Variants in KCNMA1 observed in about 807,000 individuals in gnomAD.
The protein encoded by KCNMA1 is Calcium-activated potassium channel subunit alpha-1.
A neutral mutation model predicts 140.0 loss-of-function variants in KCNMA1; 29 were observed. The ratio of observed to expected loss-of-function variants is 0.21; its 90% CI spans 0.15 to 0.28. The LOEUF (loss-of-function observed/expected upper bound fraction) is 0.28. Among genes scored for constraint, KCNMA1 ranks in the 10% least tolerant of loss-of-function variants. The pLI is 1.00. For missense variants in KCNMA1, 880 were observed against 1,602.2 expected, an observed-to-expected ratio of 0.55 and a Z score of 7.70; for synonymous variants, 612 against 611.9, an observed-to-expected ratio of 1.00 and a Z score of 0.00.
At chr10:76,959,354 T>C (rs946624402) in intron 20 of KCNMA1, among the ~76,000 whole-genome samples, 25 of 152,230 alleles carry the variant, frequency 1.6e-4, no homozygotes, top group South Asian at 6.2e-4. Context: ...TATACCATAG[T>C]GGTTAAGCGC....
intron 1 of KCNMA1, among the ~76,000 whole-genome samples, chr10:77,574,441 A>C (rs2619607): frequency 0.72 from 109,398 of 152,044 alleles, 40,233 homozygotes; most frequent in East Asian, 0.9. Context: ...GAATCTTTTT[A>C]ACACAAACAT....
intron 1 of KCNMA1, among the ~76,000 whole-genome samples, chr10:77,562,202 C>T (rs1603636692): frequency 6.6e-6 from 1 of 152,226 alleles, no homozygotes; most frequent in Non-Finnish European, 1.5e-5. Context: ...AGCTGCTGTG[C>T]CACACCCTGA....
chr10:76,936,995 T>A (rs374879042), intron 23 of KCNMA1, among the ~76,000 whole-genome samples: 3 of 152,278 alleles, frequency 2.0e-5, no homozygotes, highest in East Asian at 1.9e-4. Context: ...GATCCCTATG[T>A]AATAAAAATC....
intron 18 of KCNMA1, among the ~76,000 whole-genome samples, chr10:77,003,111 C>T (rs1000016726): frequency 1.5e-4 from 23 of 152,064 alleles, no homozygotes; most frequent in Non-Finnish European, 1.3e-4. Context: ...GCAAGGGTAA[C>T]GTTATGATTG....
intron 19 of KCNMA1, chr10:76,995,846 C>T (rs1315892707): frequency 1.4e-5 from 5 of 369,724 alleles, no homozygotes; most frequent in Non-Finnish European, 2.7e-5. Flanking sequence ...CATGGTGTCC[C>T]TGGGAAGAAA....
At chr10:76,910,542 G>T in intron 24 of KCNMA1, 1 of 281,738 alleles carries the variant, frequency 3.5e-6, no homozygotes, top group East Asian at 8.7e-5. Flanking sequence ...AGCGCTGGAA[G>T]GGGAGCACAG....
chr10:77,106,416 G>C (rs1318777977), intron 9 of KCNMA1, among the ~76,000 whole-genome samples: 7 of 152,252 alleles, frequency 4.6e-5, no homozygotes, highest in African/African-American at 1.7e-4. Flanking sequence ...TGACCGGATC[G>C]GACTGGGGGC....
At chr10:77,236,252 T>C (rs1420112206) in intron 3 of KCNMA1, among the ~76,000 whole-genome samples, 2 of 152,210 alleles carry the variant, frequency 1.3e-5, no homozygotes, top group Non-Finnish European at 2.9e-5. Context: ...GAAAGCACCA[T>C]ATTTGGATCT....
intron 23 of KCNMA1, among the ~76,000 whole-genome samples, chr10:76,931,153 C>T (rs2059172562): frequency 6.6e-6 from 1 of 152,140 alleles, no homozygotes; most frequent in South Asian, 2.1e-4. Context: ...CCTCATGACA[C>T]ACACCCGGGC....
intron 1 of KCNMA1, among the ~76,000 whole-genome samples, chr10:77,499,267 T>G (rs988329005): frequency 4.6e-5 from 7 of 151,954 alleles, no homozygotes; most frequent in Non-Finnish European, 1.0e-4. Context: ...CTAAGACAGA[T>G]TATACAAAAA....
chr10:77,631,468 C>T (rs1360946952), intron 1 of KCNMA1, among the ~76,000 whole-genome samples: 1 of 152,236 alleles, frequency 6.6e-6, no homozygotes, highest in African/African-American at 2.4e-5. Flanking sequence ...ACAAAGGCGA[C>T]CTTCCAGGGG....
intron 1 of KCNMA1, among the ~76,000 whole-genome samples, chr10:77,504,649 G>A (rs1378710748): frequency 1.3e-5 from 2 of 152,044 alleles, no homozygotes; most frequent in African/African-American, 4.8e-5. Flanking sequence ...GACTGCAGTA[G>A]TGCAATCATA....
At chr10:76,910,841 G>A (rs1006592403) in intron 24 of KCNMA1, 3 of 154,192 alleles carry the variant, frequency 1.9e-5, no homozygotes, top group Non-Finnish European at 4.3e-5. Context: ...ATGCAGCATT[G>A]GATGCTGTAT....
intron 1 of KCNMA1, among the ~76,000 whole-genome samples, chr10:77,406,985 C>A (rs1478268010): frequency 6.6e-6 from 1 of 152,152 alleles, no homozygotes; most frequent in Non-Finnish European, 1.5e-5. Context: ...TGGTTAACTG[C>A]ATCAGTAATT....
intron 2 of KCNMA1, among the ~76,000 whole-genome samples, chr10:77,315,950 T>A (rs962335150): frequency 2.6e-5 from 4 of 152,172 alleles, no homozygotes; most frequent in South Asian, 2.1e-4. Context: ...TTCCCAGTGC[T>A]AAGCAAAGTA....
chr10:76,962,184 C>G (rs118070096), intron 20 of KCNMA1, among the ~76,000 whole-genome samples: 1 of 152,338 alleles, frequency 6.6e-6, no homozygotes, highest in East Asian at 1.9e-4. Context: ...CAGGCAAAGA[C>G]AGCAAATCCC....
intron 11 of KCNMA1, 37 bp downstream of exon 11, chr10:77,086,451 G>A (rs1301557703): frequency 6.7e-7 from 1 of 1,487,024 alleles, no homozygotes; most frequent in Admixed American, 1.7e-5. Flanking sequence ...CCCACACCAA[G>A]ATGGAATAAA....
In KCNMA1 at chr10:77,179,093, T is replaced by C. The variant is rs34376142; in HGVS notation, c.808+4328A>G. On this transcript the variant is annotated intron_variant, in intron 5 of 27. Coordinates refer to ENST00000286628, the MANE Select transcript of KCNMA1 (RefSeq NM_001161352.2). ...AGACCGAGGTAATCCTGGCTTCTGTTCATTAAGCTCGTATGAAGTACGTGC... is the reference window on the plus strand; with the variant it reads ...AGACCGAGGTAATCCTGGCTTCTGTCCATTAAGCTCGTATGAAGTACGTGC... Among the ~76,000 whole-genome samples the C allele has an allele frequency of 9.1e-3, 1,388 of 152,290 alleles. 15 individuals carry two copies. The highest frequency in any genetic ancestry group is 0.014 in the Non-Finnish European group (920 of 68,028).
At chr10:77,133,456 C>A (rs987124799) in intron 5 of KCNMA1, among the ~76,000 whole-genome samples, 1 of 151,690 alleles carries the variant, frequency 6.6e-6, no homozygotes. Context: ...ATGTGCCTGG[C>A]AAATGCTGAG....
Sources: allele counts gnomAD v4.1 joint callset (sites outside exome capture counted in the v4.1 genomes callset), GRCh38; gene constraint gnomAD v4.1.1; transcripts MANE v1.5; gene names NCBI Gene and HGNC (gene_info 2026-07-23, HGNC 2026-07-21).